Variants in C10orf67 observed in about 807,000 individuals in gnomAD.
C10orf67 encodes chromosome 10 open reading frame 67, also known as uncharacterized protein C10orf67, mitochondrial.
C10orf67 carries 60 observed loss-of-function variants against 35.6 expected under a neutral mutation model. The observed-to-expected ratio is 1.68, with a 90% confidence interval of 1.37 to 2.09. The LOEUF (loss-of-function observed/expected upper bound fraction) is 2.09. C10orf67 is among the 30% of genes most tolerant of loss of function. The pLI, the probability that C10orf67 is intolerant of heterozygous loss-of-function variation, is 0.00. For missense variants in C10orf67, 474 were observed against 330.2 expected, an observed-to-expected ratio of 1.44 and a Z score of -3.38; for synonymous variants, 167 against 115.8, an observed-to-expected ratio of 1.44 and a Z score of -2.84.
At chr10:23,308,210 T>A (rs939258715) in intron 4 of C10orf67, among the ~76,000 whole-genome samples, 1 of 152,184 alleles carries the variant, frequency 6.6e-6, no homozygotes, top group Non-Finnish European at 1.5e-5. Context: ...CCTAATTCTG[T>A]ACCAAACCTC....
chr10:23,245,570 G>A (rs1311310453), intron 12 of C10orf67, among the ~76,000 whole-genome samples: 1 of 152,186 alleles, frequency 6.6e-6, no homozygotes, highest in Non-Finnish European at 1.5e-5. Flanking sequence ...TTTCCCCAAA[G>A]AAGACACACA....
At chr10:23,285,270 A>C (rs1843496751) in intron 7 of C10orf67, among the ~76,000 whole-genome samples, 1 of 151,866 alleles carries the variant, frequency 6.6e-6, no homozygotes, top group African/African-American at 2.4e-5. Context: ...GTCTATGAGA[A>C]GTTCCAGTGC....
At chr10:23,283,961 C>T (rs1843448817) in intron 7 of C10orf67, among the ~76,000 whole-genome samples, 1 of 152,014 alleles carries the variant, frequency 6.6e-6, no homozygotes, top group Non-Finnish European at 1.5e-5. Context: ...GCTGGAAGAC[C>T]GACACAGATA....
chr10:23,339,603 A>G (rs1019727232), intron 1 of C10orf67, among the ~76,000 whole-genome samples: 1 of 152,088 alleles, frequency 6.6e-6, no homozygotes, highest in Non-Finnish European at 1.5e-5. Context: ...GTCTTCTCCA[A>G]AGAGGTATCA....
chr10:23,342,758 G>A (rs949763046), intron 1 of C10orf67, among the ~76,000 whole-genome samples: 2 of 152,166 alleles, frequency 1.3e-5, no homozygotes, highest in African/African-American at 4.8e-5. Flanking sequence ...TTTAACAAAC[G>A]TACCCATTGA....
At chr10:23,211,796 A>G (rs1271585644) in intron 15 of C10orf67, among the ~76,000 whole-genome samples, 1 of 152,204 alleles carries the variant, frequency 6.6e-6, no homozygotes, top group African/African-American at 2.4e-5. Flanking sequence ...GTGGGGGAAG[A>G]AGAGAGAACA....
intron 12 of C10orf67, among the ~76,000 whole-genome samples, chr10:23,247,315 G>A (rs1011256877): frequency 9.2e-5 from 14 of 151,918 alleles, no homozygotes; most frequent in Non-Finnish European, 1.6e-4. Flanking sequence ...CTTTTATACC[G>A]CATTTTCACT....
chr10:23,271,985 G>A (rs747038969), intron 8 of C10orf67, among the ~76,000 whole-genome samples: 2 of 152,032 alleles, frequency 1.3e-5, no homozygotes, highest in African/African-American at 4.8e-5. Context: ...ATGTGATCAG[G>A]GCTCACTGCA....
intron 4 of C10orf67, among the ~76,000 whole-genome samples, chr10:23,316,218 C>T (rs929243027): frequency 6.6e-6 from 1 of 152,222 alleles, no homozygotes; most frequent in African/African-American, 2.4e-5. Context: ...GGCATGCCAG[C>T]TGCAGCAGGG....
intron 13 of C10orf67, among the ~76,000 whole-genome samples, chr10:23,230,292 T>C (rs1423598574): frequency 2.6e-5 from 4 of 152,156 alleles, no homozygotes; most frequent in South Asian, 2.1e-4. Flanking sequence ...TCTATCTCTC[T>C]ATACACTAAT....
At chr10:23,214,745 G>A (rs1841387972) in intron 15 of C10orf67, among the ~76,000 whole-genome samples, 1 of 152,150 alleles carries the variant, frequency 6.6e-6, no homozygotes, top group South Asian at 2.1e-4. Flanking sequence ...GGAGAGGCTG[G>A]GTGCAGTGGC....
intron 4 of C10orf67, among the ~76,000 whole-genome samples, chr10:23,305,965 G>GCA (rs771855583): frequency 4.3e-5 from 6 of 139,844 alleles, no homozygotes; most frequent in African/African-American, 1.8e-4. Context: ...CGTTACATAC[G>GCA]CGCACACACA....
chr10:23,246,641 A>G (rs1842322871), intron 12 of C10orf67, among the ~76,000 whole-genome samples: 1 of 152,230 alleles, frequency 6.6e-6, no homozygotes, highest in Non-Finnish European at 1.5e-5. Context: ...TGGTGGTCCC[A>G]TAAGATTATA....
chr10:23,258,734 C>T (rs1175702128), intron 10 of C10orf67, among the ~76,000 whole-genome samples: 1 of 152,178 alleles, frequency 6.6e-6, no homozygotes, highest in Non-Finnish European at 1.5e-5. Flanking sequence ...CGGACATGGT[C>T]TATTTTTCAT....
chr10:23,335,071 C>A (rs916111227), intron 1 of C10orf67, among the ~76,000 whole-genome samples: 10 of 152,058 alleles, frequency 6.6e-5, no homozygotes, highest in African/African-American at 2.4e-4. Context: ...GCCTGTAATC[C>A]CAGCTACTCG....
At chr10:23,299,855 G>A (rs921150230) in intron 5 of C10orf67, among the ~76,000 whole-genome samples, 1 of 152,034 alleles carries the variant, frequency 6.6e-6, no homozygotes, top group African/African-American at 2.4e-5. Flanking sequence ...GCGGGCGCCT[G>A]TAGTCCCAGC....
chr10:23,293,060 T>G (rs1588661435), intron 5 of C10orf67, among the ~76,000 whole-genome samples: 1 of 152,334 alleles, frequency 6.6e-6, no homozygotes, highest in Non-Finnish European at 1.5e-5. Flanking sequence ...GGCTTAAGCA[T>G]ACTTTTCCTA....
intron 12 of C10orf67, 89 bp downstream of exon 12, chr10:23,250,366 G>A (rs7068031): frequency 0.57 from 226,355 of 396,232 alleles, 66,780 homozygotes; most frequent in East Asian, 0.82. Context: ...TTTAACATTA[G>A]TATGTAAAAA....
chr10:23,318,925 C>A, intron 4 of C10orf67: 1 of 775,576 alleles, frequency 1.3e-6, no homozygotes. Context: ...GTGGCTGCAG[C>A]AAATCCAAGC....
Sources: allele counts gnomAD v4.1 joint callset (sites outside exome capture counted in the v4.1 genomes callset), GRCh38; gene constraint gnomAD v4.1.1; transcripts MANE v1.5; gene names NCBI Gene and HGNC (gene_info 2026-07-23, HGNC 2026-07-21).